The following ABCC12 variants were observed in gnomAD, a reference collection of about 807,000 sequenced individuals.
ABCC12 encodes ATP-binding cassette sub-family C member 12.
A neutral mutation model predicts 151.1 loss-of-function variants in ABCC12; 142 were observed. That is an observed-to-expected ratio of 0.94 (90% CI 0.82 to 1.08). ABCC12 has a LOEUF of 1.08. ABCC12 is among the 50% of genes least tolerant of loss of function. ABCC12 has a pLI of 0.00. For missense variants in ABCC12, 1,638 were observed against 1,691.1 expected, an observed-to-expected ratio of 0.97 and a Z score of 0.55; for synonymous variants, 645 against 646.4, an observed-to-expected ratio of 1.00 and a Z score of 0.03.
intron 9 of ABCC12, among the ~76,000 whole-genome samples, chr16:48,132,544 C>G (rs1184056723): frequency 1.3e-5 from 2 of 151,802 alleles, no homozygotes; most frequent in African/African-American, 2.4e-5. Flanking sequence ...TTTTTTGTTG[C>G]CTTTGTTGGC....
chr16:48,123,275 G>T (rs1029697516), intron 12 of ABCC12, among the ~76,000 whole-genome samples: 1 of 152,120 alleles, frequency 6.6e-6, no homozygotes, highest in African/African-American at 2.4e-5. Flanking sequence ...ATTATGTGGG[G>T]AATTGAGCTG....
At chr16:48,126,227 C>T (rs1348806293) in intron 11 of ABCC12, among the ~76,000 whole-genome samples, 1 of 152,196 alleles carries the variant, frequency 6.6e-6, no homozygotes, top group African/African-American at 2.4e-5. Context: ...GTGATGCAGC[C>T]TCACCAGGTA....
rs1462848995 is a variant in ABCC12, at chr16:48,130,778, T to C, written c.1236+10A>G. On this transcript the variant is annotated intron_variant, in intron 10 of 30. Transcript: ENST00000311303. ...ATCTCTCTTCCCTACTCACCCAGGG[T>C]TAGTTATACCTTCATTCTCCTTAGA... The C allele has an allele frequency of 6.3e-7, 1 of 1,587,142 alleles. No individual in the cohort carries two copies. The highest frequency in any genetic ancestry group is 8.7e-7 in the Non-Finnish European group (1 of 1,155,742).
chr16:48,085,886 G>C (rs765567286), intron 28 of ABCC12, among the ~76,000 whole-genome samples, 180 bp from the exon 29 acceptor site: 2 of 152,168 alleles, frequency 1.3e-5, no homozygotes, highest in Non-Finnish European at 2.9e-5. Context: ...AGACCAGGGA[G>C]TAGACGGACA....
chr16:48,148,237 CAA>C (rs113758072), intron 2 of ABCC12, among the ~76,000 whole-genome samples: 4,612 of 123,084 alleles, frequency 0.037, 225 homozygotes, highest in African/African-American at 0.12. Flanking sequence ...CGTGAGTCAC[CAA>C]AAAAAAAAAA....
intron 2 of ABCC12, among the ~76,000 whole-genome samples, chr16:48,151,306 C>T (rs1006033313): frequency 1.3e-5 from 2 of 152,152 alleles, no homozygotes; most frequent in African/African-American, 4.8e-5. Flanking sequence ...GAGGGACAGT[C>T]TACAAAATAC....
intron 22 of ABCC12, 132 bp from the exon 23 acceptor site, chr16:48,101,141 G>A (rs1365145849): frequency 1.2e-5 from 13 of 1,110,554 alleles, no homozygotes; most frequent in Non-Finnish European, 1.6e-5. Context: ...AACTGGGGAT[G>A]AAGAGCAGCC....
intron 11 of ABCC12, 51 bp from the exon 12 acceptor site, chr16:48,124,335 G>C (rs756117148): frequency 6.3e-7 from 1 of 1,590,906 alleles, no homozygotes; most frequent in Non-Finnish European, 8.6e-7. Flanking sequence ...ACTTCTTAGA[G>C]GGTCTGGCCC....
intron 13 of ABCC12, among the ~76,000 whole-genome samples, chr16:48,119,704 G>A (rs1277433315): frequency 6.6e-6 from 1 of 152,202 alleles, no homozygotes; most frequent in Non-Finnish European, 1.5e-5. Context: ...GATGAGAAAG[G>A]CCAAACTACC....
At chr16:48,152,651 T>C (rs1036717502) in intron 2 of ABCC12, among the ~76,000 whole-genome samples, 1 of 152,188 alleles carries the variant, frequency 6.6e-6, no homozygotes, top group Non-Finnish European at 1.5e-5. Context: ...AGGGAGAATT[T>C]CCCTCTGGCC....
intron 11 of ABCC12, among the ~76,000 whole-genome samples, chr16:48,125,984 C>G (rs1964224885): frequency 6.6e-6 from 1 of 152,076 alleles, no homozygotes; most frequent in Admixed American, 6.6e-5. Flanking sequence ...TTTGCCTTCT[C>G]GCCACTCTCC....
chr16:48,106,343 T>C (rs112044037), intron 20 of ABCC12, among the ~76,000 whole-genome samples: 2,642 of 152,026 alleles, frequency 0.017, 75 homozygotes, highest in African/African-American at 0.06. Flanking sequence ...GGCAAACACA[T>C]AGTGTCCAGG....
intron 13 of ABCC12, 57 bp from the exon 14 acceptor site, chr16:48,117,390 C>G: frequency 2.5e-6 from 4 of 1,581,734 alleles, no homozygotes; most frequent in Non-Finnish European, 1.7e-6. Context: ...CACTGCTGCC[C>G]TGGGCTGCTT....
chr16:48,102,368 T>A (rs564401652), intron 22 of ABCC12, among the ~76,000 whole-genome samples: 18 of 152,324 alleles, frequency 1.2e-4, no homozygotes, highest in African/African-American at 4.3e-4. Flanking sequence ...GTAACTGAGC[T>A]TTGAGCCCCT....
intron 9 of ABCC12, 42 bp downstream of exon 9, chr16:48,133,645 G>A (rs769546347): frequency 6.2e-7 from 1 of 1,604,908 alleles, no homozygotes; most frequent in East Asian, 2.2e-5. Flanking sequence ...GACTTGCCGG[G>A]GTCAGGTTGT....
intron 15 of ABCC12, 111 bp from the exon 16 acceptor site, chr16:48,112,021 T>C: frequency 7.4e-7 from 1 of 1,353,308 alleles, no homozygotes; most frequent in East Asian, 2.5e-5. Flanking sequence ...GATCATTCTT[T>C]GTTTGAGGGG....
intron 7 of ABCC12, 66 bp downstream of exon 7, chr16:48,139,097 C>G (rs954626677): frequency 2.0e-6 from 3 of 1,492,816 alleles, no homozygotes; most frequent in Middle Eastern, 3.7e-4. Context: ...AGCCTTCCAC[C>G]CAATTCAGTG....
intron 22 of ABCC12, among the ~76,000 whole-genome samples, chr16:48,102,832 A>C (rs925497887): frequency 6.6e-6 from 1 of 152,148 alleles, no homozygotes; most frequent in Non-Finnish European, 1.5e-5. Flanking sequence ...TCCACCTTGA[A>C]ATCATCCTTT....
intron 2 of ABCC12, among the ~76,000 whole-genome samples, chr16:48,152,902 A>G (rs1965135746): frequency 6.6e-6 from 1 of 152,248 alleles, no homozygotes; most frequent in Non-Finnish European, 1.5e-5. Flanking sequence ...AAGAGATGTG[A>G]CAGCTAAAAG....
Sources: gnomAD v4.1 joint callset for allele counts (sites outside exome capture counted in the v4.1 genomes callset) on GRCh38, gnomAD v4.1.1 for gene constraint, MANE v1.5 for transcripts, NCBI Gene and HGNC (gene_info 2026-07-23, HGNC 2026-07-21) for gene names.